STXBP4: variants seen among roughly 807,000 people sequenced by gnomAD.
The protein encoded by STXBP4 is syntaxin binding protein 4.
In STXBP4, 55 loss-of-function variants were observed where a neutral mutation model predicts 76.1. The ratio of observed to expected loss-of-function variants is 0.72; its 90% CI spans 0.58 to 0.91. STXBP4 has a LOEUF of 0.91. Ranked by LOEUF, STXBP4 falls within the 40% of genes least tolerant of loss-of-function variation. The pLI, the probability that STXBP4 is intolerant of heterozygous loss-of-function variation, is 0.00. For synonymous variants in STXBP4, 201 were observed against 220.2 expected, an observed-to-expected ratio of 0.91 and a Z score of 0.77; for missense variants, 618 against 636.9, an observed-to-expected ratio of 0.97 and a Z score of 0.32.
intron 17 of STXBP4, among the ~76,000 whole-genome samples, chr17:55,151,681 G>A (rs184435101): frequency 6.6e-6 from 1 of 152,326 alleles, no homozygotes; most frequent in East Asian, 1.9e-4. Flanking sequence ...GGACCGAAGG[G>A]AAGCGTGAGC....
At chr17:55,001,565 T>A (rs1232443839) in intron 7 of STXBP4, among the ~76,000 whole-genome samples, 1 of 151,882 alleles carries the variant, frequency 6.6e-6, no homozygotes, top group Non-Finnish European at 1.5e-5. Flanking sequence ...ACTAATTATA[T>A]ATGCCTAATT....
chr17:54,975,305 C>G (rs1190967744), intron 1 of STXBP4, among the ~76,000 whole-genome samples: 1 of 152,084 alleles, frequency 6.6e-6, no homozygotes, highest in Admixed American at 6.5e-5. Context: ...CCATGCCCTG[C>G]TAAAAATTCT....
chr17:55,053,695 C>T (rs2078889864), intron 12 of STXBP4, among the ~76,000 whole-genome samples: 1 of 152,060 alleles, frequency 6.6e-6, no homozygotes, highest in African/African-American at 2.4e-5. Flanking sequence ...TATTTTTGTA[C>T]TTTAATTGAT....
At chr17:55,091,644 A>G (rs926733805) in intron 16 of STXBP4, among the ~76,000 whole-genome samples, 1 of 152,102 alleles carries the variant, frequency 6.6e-6, no homozygotes, top group African/African-American at 2.4e-5. Flanking sequence ...GCTTTGATAT[A>G]TTTTTTTCTG....
intron 12 of STXBP4, among the ~76,000 whole-genome samples, chr17:55,067,343 A>G (rs1167285044): frequency 6.6e-6 from 1 of 152,222 alleles, no homozygotes; most frequent in African/African-American, 2.4e-5. Context: ...ATACAAAAGT[A>G]GAATGGAAAA....
downstream of STXBP4, among the ~76,000 whole-genome samples, chr17:55,176,135 T>G (rs975549395): frequency 6.6e-6 from 1 of 152,204 alleles, no homozygotes; most frequent in African/African-American, 2.4e-5. Context: ...GCACAGATGC[T>G]GCCCATGGAT....
At position 55,091,948 on chromosome 17, in the gene STXBP4, G is replaced by A. The variant is rs2079420284; in HGVS notation, c.1489+10765G>A. On this transcript the variant is annotated intron_variant, in intron 16 of 17. Transcript: ENST00000376352. Reference sequence around the variant, plus strand: ...AAGGTACCTCATTATGTATATGCAAGTATTCCAAAATCCAAAATACTTCTG... The same window carrying A: ...AAGGTACCTCATTATGTATATGCAAATATTCCAAAATCCAAAATACTTCTG... Among the ~76,000 whole-genome samples, 4 of 152,278 alleles carry A rather than the reference G, an allele frequency of 2.6e-5. No individual in the cohort carries two copies. The South Asian group carries it at 8.3e-4, about 32-fold the overall frequency.
chr17:55,089,134 T>A (rs2628296), intron 16 of STXBP4, among the ~76,000 whole-genome samples: 108,472 of 152,072 alleles, frequency 0.71, 38,972 homozygotes, highest in East Asian at 0.9. Context: ...AGATTAAATG[T>A]AGTACATATG....
intron 8 of STXBP4, among the ~76,000 whole-genome samples, chr17:55,008,234 G>C (rs75900163): frequency 0.013 from 2,035 of 151,960 alleles, 17 homozygotes; most frequent in Admixed American, 0.021. Context: ...ATGTAAAATG[G>C]ATATACTGCT....
intron 8 of STXBP4, among the ~76,000 whole-genome samples, chr17:55,026,790 C>A (rs960970191): frequency 1.3e-5 from 2 of 152,164 alleles, no homozygotes; most frequent in African/African-American, 4.8e-5. Flanking sequence ...AAGCTCCCAA[C>A]TGAAATTCAC....
At chr17:55,094,201 G>A (rs554624448) in intron 16 of STXBP4, among the ~76,000 whole-genome samples, 7 of 147,484 alleles carry the variant, frequency 4.7e-5, no homozygotes, top group South Asian at 2.1e-4. Context: ...TATCTAATAC[G>A]TATGAGCAAG....
chr17:54,990,663 C>T (rs992028825), intron 3 of STXBP4, among the ~76,000 whole-genome samples, 162 bp from the exon 4 acceptor site: 1 of 152,196 alleles, frequency 6.6e-6, no homozygotes, highest in African/African-American at 2.4e-5. Flanking sequence ...CCCTCTCCCC[C>T]CACCTTGGAA....
intron 16 of STXBP4, among the ~76,000 whole-genome samples, chr17:55,082,824 A>G (rs934123763): frequency 6.6e-6 from 1 of 152,180 alleles, no homozygotes; most frequent in African/African-American, 2.4e-5. Context: ...GAGAGAGAAA[A>G]AAAGTCTTTA....
intron 16 of STXBP4, among the ~76,000 whole-genome samples, chr17:55,107,060 T>A (rs2079643879): frequency 6.6e-6 from 1 of 152,212 alleles, no homozygotes; most frequent in Non-Finnish European, 1.5e-5. Flanking sequence ...TCCCTGTCAC[T>A]TTCAGGTACA....
In STXBP4 at chr17:55,147,880, T is replaced by A. The variant is rs140492156; in HGVS notation, c.1547+6513T>A. On this transcript the variant is annotated intron_variant, in intron 17 of 17. Transcript: ENST00000376352. The stretch of plus-strand genomic sequence containing the variant: ...TGTATGCCTTGATCAACTGGAGATG[T>A]CTGCCATGGGTTTAGAGGGAGAAGT... 2.7e-4 allele frequency among the ~76,000 whole-genome samples: 41 copies of A among 152,332 alleles called. No homozygotes were observed. In the East Asian group the frequency reaches 7.7e-3, roughly 29 times the overall value.
chr17:55,137,232 A>G (rs1195803286), intron 16 of STXBP4, among the ~76,000 whole-genome samples: 2 of 150,804 alleles, frequency 1.3e-5, no homozygotes, highest in Non-Finnish European at 2.9e-5. Flanking sequence ...ACAAAGCCTT[A>G]TTAATTGTGA....
chr17:54,987,037 T>C (rs1311980386), intron 3 of STXBP4, among the ~76,000 whole-genome samples: 3 of 152,242 alleles, frequency 2.0e-5, no homozygotes, highest in Non-Finnish European at 2.9e-5. Flanking sequence ...TCACATTTGC[T>C]GGTATCCCAT....
intron 16 of STXBP4, among the ~76,000 whole-genome samples, chr17:55,134,072 A>G (rs1485126467): frequency 6.6e-6 from 1 of 152,102 alleles, no homozygotes. Context: ...GGGAGGGAAC[A>G]TAGATGTTAG....
intron 7 of STXBP4, among the ~76,000 whole-genome samples, chr17:55,002,942 T>C (rs1409854969): frequency 6.6e-6 from 1 of 152,240 alleles, no homozygotes; most frequent in Non-Finnish European, 1.5e-5. Flanking sequence ...TTCTAGGTCA[T>C]GTTTATAGAG....
Sources: gnomAD v4.1 joint callset for allele counts (sites outside exome capture counted in the v4.1 genomes callset) on GRCh38, gnomAD v4.1.1 for gene constraint, MANE v1.5 for transcripts, NCBI Gene and HGNC (gene_info 2026-07-23, HGNC 2026-07-21) for gene names.